Variants in SPECC1L observed in about 807,000 individuals in gnomAD.
SPECC1L encodes cytospin-A.
A neutral mutation model predicts 116.8 loss-of-function variants in SPECC1L; 40 were observed. The ratio of observed to expected loss-of-function variants is 0.34; its 90% CI spans 0.27 to 0.45. SPECC1L has a LOEUF of 0.45. Ranked by LOEUF, SPECC1L falls within the 20% of genes least tolerant of loss-of-function variation. The probability of loss-of-function intolerance (pLI) is 1.00; values close to 1 mark genes in which losing one functional copy is unlikely to be tolerated. For synonymous variants in SPECC1L, 504 were observed against 500.6 expected, an observed-to-expected ratio of 1.01 and a Z score of -0.09; for missense variants, 1,110 against 1,373.6, an observed-to-expected ratio of 0.81 and a Z score of 3.03.
At chr22:24,315,453 G>C (rs1047862396) in intron 4 of SPECC1L, among the ~76,000 whole-genome samples, 1 of 152,270 alleles carries the variant, frequency 6.6e-6, no homozygotes, top group Non-Finnish European at 1.5e-5. Flanking sequence ...TTTTGACAAG[G>C]CCACAAGGCT....
chr22:24,383,518 G>A (rs905565530), intron 14 of SPECC1L, among the ~76,000 whole-genome samples: 1 of 152,114 alleles, frequency 6.6e-6, no homozygotes, highest in Non-Finnish European at 1.5e-5. Context: ...TCCAGATATT[G>A]GAACCCTTAG....
chr22:24,358,629 C>T (rs962665423), intron 11 of SPECC1L, among the ~76,000 whole-genome samples: 2 of 152,162 alleles, frequency 1.3e-5, no homozygotes, highest in African/African-American at 2.4e-5. Flanking sequence ...GCTCTGTTTT[C>T]GTGACTCTCC....
chr22:24,345,144 G>A (rs2146555712), intron 10 of SPECC1L, among the ~76,000 whole-genome samples: 1 of 152,258 alleles, frequency 6.6e-6, no homozygotes, highest in African/African-American at 2.4e-5. Flanking sequence ...CATTAGATCA[G>A]TAGAACAGAG....
chr22:24,296,976 T>TA (rs2049278235), intron 2 of SPECC1L, among the ~76,000 whole-genome samples: 1 of 150,334 alleles, frequency 6.7e-6, no homozygotes. Context: ...GACCAAATCT[T>TA]ACTCTGTCAC....
intron 3 of SPECC1L, among the ~76,000 whole-genome samples, chr22:24,306,385 A>G (rs2049497674): frequency 6.8e-6 from 1 of 147,926 alleles, no homozygotes; most frequent in Admixed American, 6.8e-5. Context: ...TAATTTTTTA[A>G]TTTTTTTAAG....
chr22:24,324,549 G>C, intron 6 of SPECC1L, 122 bp downstream of exon 6: 1 of 940,068 alleles, frequency 1.1e-6, no homozygotes, highest in Non-Finnish European at 1.6e-6. Flanking sequence ...CCAGCACTTT[G>C]GGAGTTCAAA....
chr22:24,357,709 C>T (rs1226189705), intron 11 of SPECC1L, among the ~76,000 whole-genome samples: 1 of 152,166 alleles, frequency 6.6e-6, no homozygotes, highest in Non-Finnish European at 1.5e-5. Flanking sequence ...TGTGATTACC[C>T]TCAGGGCAGA....
Position 24,313,447 on chromosome 22 carries a change from C to T in SPECC1L, c.288C>T (p.Asn96=), listed in dbSNP as rs995662775. ...CCCCTGCCATGACCACCGTGGAGAA[C>T]AAATCCAAGATTAGCACAGGTAACG... ...ASAPAMTTVE[N]KSKISTGTAS... Residue 96 remains asparagine, a synonymous_variant, in exon 4 of 17, where the codon AAC becomes AAT. Coordinates refer to ENST00000314328, the MANE Select transcript of SPECC1L (RefSeq NM_015330.6). The T allele has an allele frequency of 6.2e-7, 1 of 1,614,112 alleles. No individual in the cohort carries two copies. Among genetic ancestry groups the T allele is most frequent in the African/African-American group, 1.3e-5 (1 of 75,036 alleles).
chr22:24,380,248 C>T (rs939166295), intron 14 of SPECC1L, among the ~76,000 whole-genome samples: 3 of 152,214 alleles, frequency 2.0e-5, no homozygotes, highest in Non-Finnish European at 2.9e-5. Context: ...TGAGAAGTGC[C>T]AGTGCCCTTT....
chr22:24,341,409 C>T (rs749056741), intron 10 of SPECC1L, among the ~76,000 whole-genome samples: 3 of 152,210 alleles, frequency 2.0e-5, no homozygotes, highest in Non-Finnish European at 4.4e-5. Context: ...TGAGTTCCCA[C>T]CAGCCGCTGT....
chr22:24,318,086 C>T (rs1362950032), intron 4 of SPECC1L, among the ~76,000 whole-genome samples: 3 of 150,130 alleles, frequency 2.0e-5, no homozygotes, highest in African/African-American at 7.6e-5. Context: ...GATGGGCGGC[C>T]AGGCAGAGAC....
chr22:24,338,801 TG>T (rs1168821984), intron 10 of SPECC1L, among the ~76,000 whole-genome samples: 1 of 152,216 alleles, frequency 6.6e-6, no homozygotes, highest in Non-Finnish European at 1.5e-5. Context: ...TGTTCTTATC[TG>T]TATTTTTCAC....
intron 14 of SPECC1L, among the ~76,000 whole-genome samples, chr22:24,395,711 C>G (rs1378332678): frequency 6.6e-6 from 1 of 152,142 alleles, no homozygotes. Flanking sequence ...GATATCAGCT[C>G]ACTGGAACCT....
At chr22:24,311,266 A>G (rs550676829) in intron 3 of SPECC1L, among the ~76,000 whole-genome samples, 8 of 152,358 alleles carry the variant, frequency 5.3e-5, no homozygotes, top group African/African-American at 1.9e-4. Context: ...GTGGTTTTCA[A>G]TGTAATTATT....
At chr22:24,352,429 T>C (rs2041444357) in intron 11 of SPECC1L, among the ~76,000 whole-genome samples, 1 of 152,232 alleles carries the variant, frequency 6.6e-6, no homozygotes. Context: ...AGAAGTTCGT[T>C]AGTCCAAGTG....
At chr22:24,346,326 C>A (rs11090319) in intron 10 of SPECC1L, among the ~76,000 whole-genome samples, 1 of 151,918 alleles carries the variant, frequency 6.6e-6, no homozygotes, top group Non-Finnish European at 1.5e-5. Context: ...TTCTGGCTGC[C>A]TGCATATGCA....
chr22:24,315,961 A>C (rs1018656664), intron 4 of SPECC1L, among the ~76,000 whole-genome samples: 3 of 152,154 alleles, frequency 2.0e-5, no homozygotes, highest in Admixed American at 6.5e-5. Context: ...CACCCTAATG[A>C]CTTCATCTTA....
intron 11 of SPECC1L, among the ~76,000 whole-genome samples, chr22:24,348,149 G>A (rs2041341669): frequency 6.6e-6 from 1 of 152,154 alleles, no homozygotes; most frequent in Admixed American, 6.5e-5. Flanking sequence ...TGCTTCATTT[G>A]GGGTGGGTGT....
At chr22:24,272,581 G>A (rs2048750515) in intron 1 of SPECC1L, among the ~76,000 whole-genome samples, 3 of 151,518 alleles carry the variant, frequency 2.0e-5, no homozygotes, top group Admixed American at 2.0e-4. Flanking sequence ...GCCGAGACAG[G>A]AGAATTGCTT....
Sources: gnomAD v4.1 joint callset for allele counts (sites outside exome capture counted in the v4.1 genomes callset) on GRCh38, gnomAD v4.1.1 for gene constraint, MANE v1.5 for transcripts, NCBI Gene and HGNC (gene_info 2026-07-23, HGNC 2026-07-21) for gene names.